MGMT: variants seen among roughly 807,000 people sequenced by gnomAD.
The protein encoded by MGMT is O-6-methylguanine-DNA methyltransferase.
Under a neutral mutation model 15.9 loss-of-function variants are expected in MGMT, and 14 were observed. The ratio of observed to expected loss-of-function variants is 0.88; its 90% CI spans 0.58 to 1.37. The LOEUF is 1.37. Ranked by LOEUF, MGMT falls within the 40% of genes most tolerant of loss-of-function variation. The pLI is 0.00. For missense variants in MGMT, 282 were observed against 268.1 expected (o/e 1.05, Z -0.36); for synonymous variants, 130 against 118.2 (o/e 1.10, Z -0.65).
At chr10:129,524,792 G>A (rs1007938818) in intron 1 of MGMT, among the ~76,000 whole-genome samples, 4 of 151,642 alleles carry the variant, frequency 2.6e-5, no homozygotes, top group East Asian at 1.9e-4. Context: ...GGGTTTCACC[G>A]TGTTAGCCAG....
intron 2 of MGMT, among the ~76,000 whole-genome samples, chr10:129,688,846 A>C (rs888039591): frequency 1.3e-5 from 2 of 152,198 alleles, no homozygotes; most frequent in African/African-American, 4.8e-5. Context: ...CACGGCAAGC[A>C]TCAGACCTGA....
chr10:129,569,114 C>T (rs557991228), intron 2 of MGMT, among the ~76,000 whole-genome samples: 411 of 152,298 alleles, frequency 2.7e-3, no homozygotes, highest in African/African-American at 9.0e-3. Context: ...CGGCCACTTA[C>T]GGGCTCTGGC....
At chr10:129,623,590 G>A (rs1366632229) in intron 2 of MGMT, among the ~76,000 whole-genome samples, 2 of 152,110 alleles carry the variant, frequency 1.3e-5, no homozygotes, top group Non-Finnish European at 2.9e-5. Context: ...TGCCCAGGAT[G>A]GAGTACAGTG....
intron 3 of MGMT, among the ~76,000 whole-genome samples, chr10:129,728,476 C>T (rs931700405): frequency 2.6e-5 from 4 of 152,030 alleles, no homozygotes; most frequent in Admixed American, 1.3e-4. Context: ...GTTCAGGGGT[C>T]GCAGAAGAGG....
At chr10:129,716,287 C>T (rs1296824667) in intron 3 of MGMT, among the ~76,000 whole-genome samples, 2 of 152,176 alleles carry the variant, frequency 1.3e-5, no homozygotes, top group Admixed American at 1.3e-4. Flanking sequence ...CCCTCTCCGC[C>T]AGTAAATATA....
At chr10:129,740,521 C>A (rs1211605365) in intron 3 of MGMT, among the ~76,000 whole-genome samples, 1 of 152,318 alleles carries the variant, frequency 6.6e-6, no homozygotes, top group East Asian at 1.9e-4. Context: ...TTTCCACATA[C>A]AAAGCACCTT....
chr10:129,730,975 A>G (rs994486696), intron 3 of MGMT, among the ~76,000 whole-genome samples: 1 of 152,200 alleles, frequency 6.6e-6, no homozygotes, highest in African/African-American at 2.4e-5. Context: ...GAAAGTGAGT[A>G]TAAATACGCC....
At chr10:129,599,671 A>C (rs1421999938) in intron 2 of MGMT, among the ~76,000 whole-genome samples, 1 of 152,202 alleles carries the variant, frequency 6.6e-6, no homozygotes, top group African/African-American at 2.4e-5. Flanking sequence ...ATGCTTGTAC[A>C]TGCTTTCACA....
chr10:129,711,783 C>T (rs1258728197), intron 3 of MGMT, among the ~76,000 whole-genome samples: 4 of 152,084 alleles, frequency 2.6e-5, no homozygotes, highest in South Asian at 2.1e-4. Flanking sequence ...ATAAGCCTCT[C>T]GCAAGGGTCA....
Position 129,536,394 on chromosome 10 carries a change from G to C in MGMT, c.125+17G>C. ...TGCAGCTGAGTAAGTATGAGCCCAC[G>C]TGATCCTGTATACCGCACATGCTGA... On this transcript the variant is annotated intron_variant, in intron 2 of 4. Transcript: ENST00000651593. 6.2e-7 allele frequency: 1 copy of C among 1,608,760 alleles called. No homozygotes were observed. Among genetic ancestry groups the C allele is most frequent in the Non-Finnish European group, 8.5e-7 (1 of 1,178,588 alleles).
intron 1 of MGMT, among the ~76,000 whole-genome samples, chr10:129,535,271 A>G (rs532193703): frequency 6.6e-6 from 1 of 152,256 alleles, no homozygotes; most frequent in South Asian, 2.1e-4. Context: ...GAGGTAAAAT[A>G]GCAAGACCCA....
intron 2 of MGMT, among the ~76,000 whole-genome samples, chr10:129,553,613 C>T (rs552405323): frequency 1.3e-5 from 2 of 152,172 alleles, no homozygotes; most frequent in African/African-American, 2.4e-5. Flanking sequence ...ACCATGCTGA[C>T]GGAATGACGA....
intron 1 of MGMT, among the ~76,000 whole-genome samples, chr10:129,490,281 A>C (rs1845455989): frequency 6.6e-6 from 1 of 152,060 alleles, no homozygotes; most frequent in Non-Finnish European, 1.5e-5. Flanking sequence ...CATCTATTTA[A>C]CTGTTTATGT....
intron 2 of MGMT, among the ~76,000 whole-genome samples, chr10:129,601,839 T>TGTG (rs1285238875): frequency 6.6e-6 from 1 of 152,136 alleles, no homozygotes; most frequent in East Asian, 1.9e-4. Flanking sequence ...AACGTAAGGA[T>TGTG]GTGGTAGTAG....
intron 3 of MGMT, among the ~76,000 whole-genome samples, chr10:129,722,171 T>G (rs1848379864): frequency 6.6e-6 from 1 of 152,146 alleles, no homozygotes; most frequent in South Asian, 2.1e-4. Context: ...ATGTTGAAAA[T>G]AACTATTAAA....
chr10:129,705,513 A>C (rs1045322939), intron 2 of MGMT, among the ~76,000 whole-genome samples: 1 of 152,234 alleles, frequency 6.6e-6, no homozygotes, highest in African/African-American at 2.4e-5. Flanking sequence ...CTTTTTAACT[A>C]TAAGGAAGGT....
In MGMT at chr10:129,614,969, G is replaced by GT. The variant is rs1847006574; in HGVS notation, c.125+78598dup. 2.0e-5 allele frequency among the ~76,000 whole-genome samples: 3 copies of GT among 151,468 alleles called. 1 individual carries two copies. Among genetic ancestry groups the GT allele is most frequent in the African/African-American group, 7.3e-5 (3 of 41,156 alleles). ...ACATTCCTGGCTCACATTGGTTTTT[G>GT]TTTTTTGTTTTTCCTATCTTAAAGC... On this transcript the variant is annotated intron_variant, in intron 2 of 4. Coordinates refer to ENST00000651593, the MANE Select transcript of MGMT (RefSeq NM_002412.5).
At chr10:129,738,060 C>T (rs1848585362) in intron 3 of MGMT, among the ~76,000 whole-genome samples, 1 of 152,236 alleles carries the variant, frequency 6.6e-6, no homozygotes, top group Non-Finnish European at 1.5e-5. Context: ...GGCAGGCCTC[C>T]TTGAGCTGTG....
intron 2 of MGMT, among the ~76,000 whole-genome samples, chr10:129,648,413 A>AT (rs2133095628): frequency 6.6e-6 from 1 of 152,264 alleles, no homozygotes; most frequent in East Asian, 1.9e-4. Context: ...TGAACCCATA[A>AT]TTCAATTTTC....
Sources: gnomAD v4.1 joint callset for allele counts (sites outside exome capture counted in the v4.1 genomes callset) on GRCh38, gnomAD v4.1.1 for gene constraint, MANE v1.5 for transcripts, NCBI Gene and HGNC (gene_info 2026-07-23, HGNC 2026-07-21) for gene names.